TXNDC9: variants seen among roughly 807,000 people sequenced by gnomAD.
TXNDC9 encodes thioredoxin domain-containing protein 9.
In TXNDC9, 7 loss-of-function variants were observed where a neutral mutation model predicts 23.0. That is an observed-to-expected ratio of 0.30 (90% CI 0.17 to 0.57). TXNDC9 has a LOEUF of 0.57. Among genes scored for constraint, TXNDC9 ranks in the 20% least tolerant of loss-of-function variants. The pLI is 0.90. For missense variants in TXNDC9, 198 were observed against 252.6 expected, an observed-to-expected ratio of 0.78 and a Z score of 1.47; for synonymous variants, 72 against 90.6, an observed-to-expected ratio of 0.79 and a Z score of 1.17.
intron 3 of TXNDC9, among the ~76,000 whole-genome samples, chr2:99,325,579 C>T (rs2094211275): frequency 6.6e-6 from 1 of 152,144 alleles, no homozygotes; most frequent in African/African-American, 2.4e-5. Context: ...TGTTTATACA[C>T]CATCAAATGT....
chr2:99,322,342 T>C, intron 3 of TXNDC9, 133 bp from the exon 4 acceptor site: 2 of 1,321,714 alleles, frequency 1.5e-6, no homozygotes, highest in Non-Finnish European at 2.0e-6. Flanking sequence ...AACTTAAACT[T>C]GTGTCAGATG....
At chr2:99,328,078 C>T (rs550908996) in intron 2 of TXNDC9, among the ~76,000 whole-genome samples, 18 of 151,826 alleles carry the variant, frequency 1.2e-4, no homozygotes, top group African/African-American at 1.7e-4. Context: ...CCACCGCGCC[C>T]GGCCCAAAAG....
Position 99,336,175 on chromosome 2 carries a change from C to G in TXNDC9, c.-33+64G>C, listed in dbSNP as rs534209890. On this transcript the variant is annotated intron_variant, in intron 1 of 4. Coordinates refer to ENST00000264255, the MANE Select transcript of TXNDC9 (RefSeq NM_005783.4). The stretch of plus-strand genomic sequence containing the variant: ...CCCCTCCTCCGCTCCGGATGTGGAG[C>G]AGCAGAATGTTCACCAGCACCCGGA... 3.2e-3 allele frequency: 3,142 copies of G among 981,824 alleles called. 12 individuals carry two copies. Among genetic ancestry groups the G allele is most frequent in the Non-Finnish European group, 3.4e-3 (2,851 of 826,582 alleles). The allele number at this position is 981,824 out of a possible 1,614,324, so 60.8% of individuals were successfully genotyped here. A position where few individuals can be genotyped will look rare whatever the true frequency, so the allele number is the denominator to read the frequency against.
intron 2 of TXNDC9, among the ~76,000 whole-genome samples, chr2:99,330,285 T>C (rs1437823450): frequency 1.5e-4 from 2 of 13,440 alleles, no homozygotes; most frequent in Admixed American, 1.5e-3. Context: ...GCAAGACTCT[T>C]ATCTCAAAAA....
chr2:99,309,526 A>G, the TXNDC9 span, among the ~76,000 whole-genome samples: 12 of 151,642 alleles, frequency 7.9e-5, no homozygotes, highest in Non-Finnish European at 1.3e-4. Context: ...AAAAAAGAAA[A>G]GAAAAGAAAA....
At chr2:99,325,478 T>C (rs1335583103) in intron 3 of TXNDC9, among the ~76,000 whole-genome samples, 3 of 152,214 alleles carry the variant, frequency 2.0e-5, no homozygotes, top group Admixed American at 6.5e-5. Flanking sequence ...TCCTGCCTAC[T>C]ATGTGCTAGG....
chr2:99,316,677 T>C (rs916848258), downstream of TXNDC9, among the ~76,000 whole-genome samples: 2 of 152,206 alleles, frequency 1.3e-5, no homozygotes, highest in African/African-American at 2.4e-5. Context: ...CAATCTACTG[T>C]AGAGCTCCTC....
chr2:99,308,842 G>C, the TXNDC9 span, among the ~76,000 whole-genome samples: 2 of 151,812 alleles, frequency 1.3e-5, no homozygotes, highest in African/African-American at 4.8e-5. Flanking sequence ...CTCCCAAGTA[G>C]CTGGGACTAC....
intron 3 of TXNDC9, 60 bp downstream of exon 3, chr2:99,327,475 C>G (rs2094215238): frequency 1.6e-6 from 2 of 1,248,018 alleles, no homozygotes; most frequent in Middle Eastern, 2.7e-4. Context: ...GCCAGTATAT[C>G]TCCAGCCAAA....
the TXNDC9 span, among the ~76,000 whole-genome samples, chr2:99,311,359 C>T: frequency 6.6e-6 from 1 of 152,044 alleles, no homozygotes; most frequent in Non-Finnish European, 1.5e-5. Flanking sequence ...GTGATCACAG[C>T]TCACTGCAGC....
Position 99,323,752 on chromosome 2 carries a change from A to G in TXNDC9, c.309-1543T>C, listed in dbSNP as rs2094207534. Among the ~76,000 whole-genome samples the G allele has an allele frequency of 3.9e-5, 6 of 152,256 alleles. No individual in the cohort carries two copies. In the South Asian group the frequency reaches 1.2e-3, roughly 32 times the overall value. On this transcript the variant is annotated intron_variant, in intron 3 of 4. Coordinates refer to ENST00000264255, the MANE Select transcript of TXNDC9 (RefSeq NM_005783.4). ...CTCTGTCTCAAAAAATTCATTTTCA[A>G]CTGGCCAATTCACGAGTGTTTCTAA... is the stretch of plus-strand genomic sequence containing the variant.
intron 1 of TXNDC9, among the ~76,000 whole-genome samples, chr2:99,335,194 GA>G (rs989236874): frequency 6.6e-6 from 1 of 152,158 alleles, no homozygotes; most frequent in African/African-American, 2.4e-5. Context: ...AAATAATACT[GA>G]AGCACCCCAA....
intron 2 of TXNDC9, among the ~76,000 whole-genome samples, chr2:99,332,482 C>T (rs2094228400): frequency 6.6e-6 from 1 of 152,172 alleles, no homozygotes. Context: ...AGAATTTAAT[C>T]CACTGGTTTC....
At chr2:99,307,017 T>TG in the TXNDC9 span, among the ~76,000 whole-genome samples, 1 of 116,544 alleles carries the variant, frequency 8.6e-6, no homozygotes, top group African/African-American at 3.5e-5. Context: ...CTCCCTCCCT[T>TG]CCTTCCTTCC....
chr2:99,316,262 A>G (rs150795593), downstream of TXNDC9, among the ~76,000 whole-genome samples: 1,465 of 152,244 alleles, frequency 9.6e-3, 24 homozygotes, highest in African/African-American at 0.034. Flanking sequence ...TGTAGCCTCA[A>G]ACTCCTGGGC....
downstream of TXNDC9, among the ~76,000 whole-genome samples, chr2:99,314,760 C>A (rs1053694597): frequency 6.6e-6 from 1 of 151,570 alleles, no homozygotes; most frequent in Non-Finnish European, 1.5e-5. Flanking sequence ...TTATAATCAT[C>A]CTGGCTGGTG....
At chr2:99,321,816 G>A in intron 4 of TXNDC9, 139 bp downstream of exon 4, 1 of 981,180 alleles carries the variant, frequency 1.0e-6, no homozygotes, top group Non-Finnish European at 1.5e-6. Context: ...AAAAAAACAT[G>A]CTTTTCCTTT....
intron 3 of TXNDC9, among the ~76,000 whole-genome samples, chr2:99,323,244 T>G (rs1352444773): frequency 6.6e-6 from 1 of 151,616 alleles, no homozygotes; most frequent in Non-Finnish European, 1.5e-5. Flanking sequence ...CTGTCTCTAC[T>G]AAAAATACAA....
Position 99,333,091 on chromosome 2 carries a change from A to C in TXNDC9, c.120T>G (p.Asp40Glu), listed in dbSNP as rs779899100. The C allele has an allele frequency of 1.1e-5, 18 of 1,614,072 alleles. No homozygotes were observed. Among genetic ancestry groups the C allele is most frequent in the Non-Finnish European group, 1.4e-5 (17 of 1,180,016 alleles). ...CTTTAAGGCGTTCCAATTCATCCTC[A>C]TCCATCTGATCCAGTTTTTGAATTT... ...DSEIQKLDQM[D>E]EDELERLKEK... is the part of the protein sequence containing the mutation. The change falls in exon 2 of 5, where the codon GAT becomes GAG. Residue 40 changes from aspartate to glutamate, a missense_variant. Asp to Glu is a conservative substitution (Grantham distance 45, BLOSUM62 2). Coordinates refer to ENST00000264255, the MANE Select transcript of TXNDC9 (RefSeq NM_005783.4).
Sources: gnomAD v4.1 joint callset for allele counts (sites outside exome capture counted in the v4.1 genomes callset) on GRCh38, gnomAD v4.1.1 for gene constraint, MANE v1.5 for transcripts, NCBI Gene and HGNC (gene_info 2026-07-23, HGNC 2026-07-21) for gene names.